The following GOLGA6L9 variants were observed in gnomAD, a reference collection of about 807,000 sequenced individuals.
GOLGA6L9 encodes the protein golgin subfamily A member 6-like protein 9.
GOLGA6L9 carries 19 observed loss-of-function variants against 51.3 expected under a neutral mutation model. The ratio of observed to expected loss-of-function variants is 0.37; its 90% CI spans 0.26 to 0.54. The LOEUF is 0.54. Among genes scored for constraint, GOLGA6L9 ranks in the 20% least tolerant of loss-of-function variants. The pLI is 0.83. For missense variants in GOLGA6L9, 247 were observed against 464.1 expected (o/e 0.53, Z 4.30); for synonymous variants, 97 against 184.2 (o/e 0.53, Z 3.83).
chr15:82,438,036 A>T lies in GOLGA6L9; in HGVS notation c.*1625A>T, dbSNP rs2031769603. ...TGCATTCTTTGAGTTCAGTTTAAAGACAGTTACTTTAAGCCCATTTTAAAC... is the reference window on the plus strand; with the variant it reads ...TGCATTCTTTGAGTTCAGTTTAAAGTCAGTTACTTTAAGCCCATTTTAAAC... On this transcript the variant is annotated 3_prime_UTR_variant, in exon 9 of 9. Transcript: ENST00000618348. 3.3e-5 allele frequency: 5 copies of T among 151,138 alleles called. No individual in the cohort carries two copies. In the South Asian group the frequency reaches 1.0e-3, roughly 31 times the overall value. The allele number at this position is 151,138 out of a possible 1,614,324, so 9.4% of individuals were successfully genotyped here.
At chr15:82,427,038 A>G (rs2031218498), upstream of GOLGA6L9, among the ~76,000 whole-genome samples, 1 of 143,172 alleles carries the variant, frequency 7.0e-6, no homozygotes, top group Admixed American at 7.0e-5. Context: ...TCCATTGCCC[A>G]TTTTCGGTTG....
chr15:82,427,379 CCTTT>C (rs1455990322), upstream of GOLGA6L9, among the ~76,000 whole-genome samples: 4 of 149,848 alleles, frequency 2.7e-5, no homozygotes, highest in South Asian at 2.1e-4. Context: ...TTCTTCCTTT[CCTTT>C]CTTTCTCTTT....
rs2031653935 is a variant in GOLGA6L9 at position 82,436,075 on chromosome 15, TAGAGCCCTCA to T, written c.1166+7_1166+16del. 1 of 580,138 alleles carries T rather than the reference TAGAGCCCTCA, an allele frequency of 1.7e-6. No individual in the cohort carries two copies. Among genetic ancestry groups the T allele is most frequent in the African/African-American group, 2.4e-5 (1 of 42,332 alleles). The allele number at this position is 580,138 out of a possible 1,614,324, so 35.9% of individuals were successfully genotyped here. A position where few individuals can be genotyped will look rare whatever the true frequency, so the allele number is the denominator to read the frequency against. On this transcript the variant is annotated splice_region_variant and intron_variant, in intron 8 of 8. Transcript: ENST00000618348. ...ATGTGCGGACAAGCAGGGTGGTGAG[TAGAGCCCTCA>T]GGCGGGGTGGGCAGGCAGGAGCAGG...
rs2150833433 is a variant in GOLGA6L9 at position 82,437,773 on chromosome 15, G to A, written c.*1362G>A. On this transcript the variant is annotated 3_prime_UTR_variant, in exon 9 of 9. Transcript: ENST00000618348. ...TACTACATTTGAAAATCAAGGAGCAGTTTATGCAACGTAAAACGTTTACAA... is the reference window on the plus strand; with the variant it reads ...TACTACATTTGAAAATCAAGGAGCAATTTATGCAACGTAAAACGTTTACAA... 1 of 150,994 alleles carries A rather than the reference G, an allele frequency of 6.6e-6. No homozygotes were observed. The highest frequency in any genetic ancestry group is 1.9e-4 in the East Asian group (1 of 5,190). The allele number at this position is 150,994 out of a possible 1,614,324, so 9.4% of individuals were successfully genotyped here. A position where few individuals can be genotyped will look rare whatever the true frequency, so the allele number is the denominator to read the frequency against.
the GOLGA6L9 span, among the ~76,000 whole-genome samples, chr15:82,419,542 C>T: frequency 4.6e-5 from 7 of 151,544 alleles, no homozygotes; most frequent in African/African-American, 4.9e-5. Flanking sequence ...CCCAGCTACC[C>T]GGGAGGCTGA....
intron 2 of GOLGA6L9, 35 bp downstream of exon 2, chr15:82,431,984 G>A: frequency 7.5e-7 from 1 of 1,335,960 alleles, no homozygotes; most frequent in Non-Finnish European, 9.9e-7. Context: ...TGGGGACAGG[G>A]AGCCCAAGGG....
At chr15:82,433,414 C>T in intron 4 of GOLGA6L9, 148 bp from the exon 5 acceptor site, 1 of 631,562 alleles carries the variant, frequency 1.6e-6, no homozygotes, top group Non-Finnish European at 2.8e-6. Flanking sequence ...TGTACCTGGC[C>T]TGTACATGCT....
rs1267458931 is a variant in GOLGA6L9, at chr15:82,434,174, C to T, written c.574C>T (p.Leu192Phe). 3.2e-5 allele frequency: 50 copies of T among 1,538,958 alleles called. No homozygotes were observed. In the African/African-American group the frequency reaches 5.9e-4, roughly 18 times the overall value. Residue 192 changes from leucine to phenylalanine, a missense_variant, in exon 6 of 9, where the codon CTC becomes TTC. Leu to Phe is a conservative substitution (Grantham distance 22). This residue lies in a region of GOLGA6L9 where 66 missense variants were observed against 66.2 expected (regional missense o/e 1.00). Transcript: ENST00000618348. ...GGTGGAAAACAATCAGATGTTGAGT[C>T]TCCTGAACAGGAGACAGGAGGAGAG... Reference protein sequence around the residue: ...AEVENNQMLSLLNRRQEERLR... With the variant: ...AEVENNQMLSFLNRRQEERLR...
the GOLGA6L9 span, among the ~76,000 whole-genome samples, chr15:82,418,998 G>C: frequency 6.6e-6 from 1 of 152,192 alleles, no homozygotes; most frequent in African/African-American, 2.4e-5. Context: ...TCAAACAATT[G>C]ACTGGAATTT....
chr15:82,420,343 ATTG>A, the GOLGA6L9 span, among the ~76,000 whole-genome samples: 1 of 151,846 alleles, frequency 6.6e-6, no homozygotes, highest in African/African-American at 2.4e-5. Context: ...TAAATTTATT[ATTG>A]TTATGTATAC....
the GOLGA6L9 span, among the ~76,000 whole-genome samples, chr15:82,417,462 ACTTAT>A: frequency 6.6e-6 from 1 of 152,204 alleles, no homozygotes; most frequent in African/African-American, 2.4e-5. Context: ...GGAAAAGTTT[ACTTAT>A]CTTACTTATG....
At position 82,436,379 on chromosome 15, in the gene GOLGA6L9, G is replaced by A. The variant is rs1344795793; in HGVS notation, c.1267G>A (p.Glu423Lys). Residue 423 changes from glutamate to lysine, a missense_variant, in exon 9 of 9, where the codon GAG becomes AAG. Coordinates refer to ENST00000618348, the MANE Select transcript of GOLGA6L9 (RefSeq NM_198181.4). ...TGCATGCCATTCTTTTCGGGCTGCC[G>A]AGAACAGGGAGCTAAACATCACCAT... ...EAACHSFRAA[E>K]NRELNITII The A allele has an allele frequency of 2.1e-4, 343 of 1,595,816 alleles. 6 individuals carry two copies. The highest frequency in any genetic ancestry group is 2.7e-4 in the Non-Finnish European group (322 of 1,177,928).
At position 82,434,317 on chromosome 15, in the gene GOLGA6L9, G is replaced by A; in HGVS notation, c.717G>A (p.Gln239=). Residue 239 remains glutamine (Q), a synonymous_variant, in exon 6 of 9, where the codon CAG becomes CAA. Transcript: ENST00000618348. The stretch of plus-strand genomic sequence containing the variant: ...AACAGGAGGAGAGGCTGTGTGAACA[G>A]GAGAAGCTGCCAGGGCAGGAGAGGC... ...LREQEERLCE[Q]EKLPGQERLL... 1 of 1,544,400 alleles carries A rather than the reference G, an allele frequency of 6.5e-7. No homozygotes were observed. Among genetic ancestry groups the A allele is most frequent in the Non-Finnish European group, 8.7e-7 (1 of 1,151,428 alleles).
Position 82,431,898 on chromosome 15 carries a change from T to A in GOLGA6L9, c.153T>A (p.Asn51Lys). The A allele has an allele frequency of 7.2e-7, 1 of 1,386,584 alleles. No homozygotes were observed. Among genetic ancestry groups the A allele is most frequent in the Non-Finnish European group, 9.6e-7 (1 of 1,044,668 alleles). 85.9% of individuals were successfully genotyped at this position (1,386,584 alleles called of 1,614,324 possible). Residue 51 changes from asparagine (N) to lysine (K), a missense_variant, in exon 2 of 9, where the codon AAT becomes AAA. Asn to Lys is a moderately conservative substitution (Grantham distance 94). This residue lies in a region of GOLGA6L9 where 74 missense variants were observed against 91.2 expected (regional missense o/e 0.81). Coordinates refer to ENST00000618348, the MANE Select transcript of GOLGA6L9 (RefSeq NM_198181.4). Reference protein sequence around the residue: ...PAGANRKKKINGSSPDTFTSG... With the variant: ...PAGANRKKKIKGSSPDTFTSG... ...GAGCTAACAGGAAAAAGAAAATCAA[T>A]GGCAGTAGCCCTGACACATTCACTT...
rs1447807436 is a variant in GOLGA6L9, at chr15:82,439,151, A to C, written c.*2740A>C. Reference sequence around the variant, plus strand: ...TGTTTCAAGGTGCTGTTTTGCCTAAAAATTTTGTGTGTCTTGAAAACTATA... The same window carrying C: ...TGTTTCAAGGTGCTGTTTTGCCTAACAATTTTGTGTGTCTTGAAAACTATA... On this transcript the variant is annotated 3_prime_UTR_variant, in exon 9 of 9. Coordinates refer to ENST00000618348, the MANE Select transcript of GOLGA6L9 (RefSeq NM_198181.4). 2 of 150,852 alleles carry C rather than the reference A, an allele frequency of 1.3e-5. No individual in the cohort carries two copies. The highest frequency in any genetic ancestry group is 2.9e-5 in the Non-Finnish European group (2 of 67,818). The allele number at this position is 150,852 out of a possible 1,614,324, so 9.3% of individuals were successfully genotyped here.
Position 82,434,170 on chromosome 15 carries a change from G to A in GOLGA6L9, c.570G>A (p.Leu190=). 2 of 1,538,132 alleles carry A rather than the reference G, an allele frequency of 1.3e-6. No individual in the cohort carries two copies. The highest frequency in any genetic ancestry group is 2.0e-5 in the Admixed American group (1 of 51,232). The change falls in exon 6 of 9, where the codon TTG becomes TTA. Residue 190 remains leucine, a synonymous_variant. Transcript: ENST00000618348. ...CTGAGGTGGAAAACAATCAGATGTTGAGTCTCCTGAACAGGAGACAGGAGG... is the reference window on the plus strand; with the variant it reads ...CTGAGGTGGAAAACAATCAGATGTTAAGTCTCCTGAACAGGAGACAGGAGG... The part of the protein sequence containing the change: ...LQAEVENNQM[L]SLLNRRQEER...
chr15:82,431,602 G>A, intron 1 of GOLGA6L9: 1 of 346,030 alleles, frequency 2.9e-6, no homozygotes. Flanking sequence ...TGGAGTCAGA[G>A]GACTGAGTTT....
At chr15:82,429,544 G>A (rs1173822876), upstream of GOLGA6L9, among the ~76,000 whole-genome samples, 3 of 152,120 alleles carry the variant, frequency 2.0e-5, no homozygotes, top group Non-Finnish European at 4.4e-5. Context: ...TAATCATCAA[G>A]AATGCTATGG....
chr15:82,427,324 TTC>T (rs1232910731), upstream of GOLGA6L9, among the ~76,000 whole-genome samples: 2 of 148,758 alleles, frequency 1.3e-5, no homozygotes, highest in African/African-American at 2.5e-5. Context: ...TCTTTCCTCT[TTC>T]TTTTTCTTTC....
Sources: gnomAD v4.1 joint callset for allele counts (sites outside exome capture counted in the v4.1 genomes callset) on GRCh38, gnomAD v4.1.1 for gene constraint, gnomAD v4.1.1 regional missense constraint, MANE v1.5 for transcripts, NCBI Gene and HGNC (gene_info 2026-07-23, HGNC 2026-07-21) for gene names.